Variants in PPP2R5D observed in about 807,000 individuals in gnomAD.
PPP2R5D encodes serine/threonine-protein phosphatase 2A 56 kDa regulatory subunit delta isoform.
PPP2R5D carries 12 observed loss-of-function variants against 79.1 expected under a neutral mutation model. The observed-to-expected ratio is 0.15, with a 90% CI of 0.10 to 0.25. The LOEUF (loss-of-function observed/expected upper bound fraction) is 0.25, where lower values mean the gene tolerates loss of function less well. PPP2R5D is among the 10% of genes least tolerant of loss of function. The pLI is 1.00. For synonymous variants in PPP2R5D, 277 were observed against 286.6 expected (o/e 0.97, Z 0.34); for missense variants, 419 against 760.2 (o/e 0.55, Z 5.28).
chr6:43,004,130 C>T (rs1761928805), intron 2 of PPP2R5D, among the ~76,000 whole-genome samples: 1 of 152,126 alleles, frequency 6.6e-6, no homozygotes, highest in Admixed American at 6.6e-5. Flanking sequence ...TTGAGCAATT[C>T]TCTTGCCTCA....
rs760120524 is a variant in PPP2R5D at position 43,006,580 on chromosome 6, T to C, written c.223T>C (p.Ser75Pro). The C allele has an allele frequency of 1.2e-6, 2 of 1,614,002 alleles. No individual in the cohort carries two copies. The highest frequency in any genetic ancestry group is 1.7e-6 in the Non-Finnish European group (2 of 1,180,000). ...PPTQLSKIKYSGGPQIVKKER... is the reference protein window; with the variant it reads ...PPTQLSKIKYPGGPQIVKKER... ...CACGCAGCTCAGCAAAATCAAGTAC[T>C]CAGGGGGGCCCCAGATTGTCAAGAA... Residue 75 changes from serine to proline, a missense_variant, in exon 3 of 16, where the codon TCA (serine) becomes CCA (proline). Around this residue, in one of 5 missense-constraint regions of PPP2R5D, gnomAD observed 110 missense variants for 147.6 expected, o/e 0.75. Coordinates refer to ENST00000485511, the MANE Select transcript of PPP2R5D (RefSeq NM_006245.4). This position sits in a 1 kb window ranked among gnomAD's most constrained non-coding sequence, Gnocchi z 4.7.
intron 2 of PPP2R5D, among the ~76,000 whole-genome samples, chr6:43,001,063 TGG>T (rs1471001107): frequency 1.3e-5 from 2 of 152,238 alleles, no homozygotes; most frequent in Non-Finnish European, 2.9e-5. Flanking sequence ...ACCCAAGGGC[TGG>T]AAAGATCTGA....
chr6:43,010,434 G>T lies in PPP2R5D; in HGVS notation c.1380-34G>T, dbSNP rs1762297751. ...TTCCTCACGCTAAGGGCAGGCTCTG[G>T]CCTCCTACACCTCATCTTTCTTCTT... is the stretch of plus-strand genomic sequence containing the variant. On this transcript the variant is annotated intron_variant, in intron 12 of 15. Transcript: ENST00000485511. This position sits in a 1 kb window ranked among gnomAD's most constrained non-coding sequence, Gnocchi z 4.7. The T allele has an allele frequency of 3.8e-6, 6 of 1,589,860 alleles. No individual in the cohort carries two copies. The highest frequency in any genetic ancestry group is 5.2e-6 in the Non-Finnish European group (6 of 1,158,472).
rs576750025 is a variant in PPP2R5D at position 43,002,321 on chromosome 6, G to A, written c.106-4142G>A. 8.5e-5 allele frequency among the ~76,000 whole-genome samples: 13 copies of A among 152,132 alleles called. No individual in the cohort carries two copies. In the South Asian group the frequency reaches 2.3e-3, roughly 27 times the overall value. On this transcript the variant is annotated intron_variant, in intron 2 of 15. Transcript: ENST00000485511. Reference sequence around the variant, plus strand: ...TGAGATTACAGGCACGTGCCACCACGCCCAGCTAATTTTTTGTATCTTTAG... The same window carrying A: ...TGAGATTACAGGCACGTGCCACCACACCCAGCTAATTTTTTGTATCTTTAG...
At chr6:43,001,719 C>G (rs1772222296) in intron 2 of PPP2R5D, among the ~76,000 whole-genome samples, 2 of 151,864 alleles carry the variant, frequency 1.3e-5, no homozygotes. Context: ...TCCGTCTCTA[C>G]TAAAAATACG....
In PPP2R5D at chr6:43,011,347, T is replaced by A; in HGVS notation, c.*61T>A. The A allele has an allele frequency of 6.2e-7, 1 of 1,602,108 alleles. No homozygotes were observed. The highest frequency in any genetic ancestry group is 2.2e-5 in the East Asian group (1 of 44,686). ...CAGCCCTGGGACACTGCCCTGGCCCTCCATACTCTGCTCCCTACTGGCTGT... is the reference window on the plus strand; with the variant it reads ...CAGCCCTGGGACACTGCCCTGGCCCACCATACTCTGCTCCCTACTGGCTGT... On this transcript the variant is annotated 3_prime_UTR_variant, in exon 16 of 16. Coordinates refer to ENST00000485511, the MANE Select transcript of PPP2R5D (RefSeq NM_006245.4).
chr6:42,998,993 C>A (rs1391924346), intron 2 of PPP2R5D, among the ~76,000 whole-genome samples: 1 of 152,166 alleles, frequency 6.6e-6, no homozygotes, highest in Non-Finnish European at 1.5e-5. Context: ...TGAGATTGCA[C>A]CACTGCACTT....
chr6:42,990,275 T>C (rs983518673), intron 2 of PPP2R5D, among the ~76,000 whole-genome samples: 1 of 152,208 alleles, frequency 6.6e-6, no homozygotes, highest in African/African-American at 2.4e-5. Flanking sequence ...CATGAAAGTT[T>C]GGGAGTGTGC....
rs140136483 is a variant in PPP2R5D at position 43,007,075 on chromosome 6, G to A, written c.487G>A (p.Val163Ile). Reference protein sequence around the residue: ...VEYITHSRDVVTEAIYPEAVT... With the variant: ...VEYITHSRDVITEAIYPEAVT... The stretch of plus-strand genomic sequence containing the variant: ...GTACATCACCCATAGCCGTGATGTT[G>A]TCACTGAGGCCATTTACCCTGAGGC... Residue 163 changes from valine to isoleucine, a missense_variant, in exon 4 of 16, where the codon GTC becomes ATC. This residue lies in a region of PPP2R5D where 29 missense variants were observed against 64.2 expected (regional missense o/e 0.45). Transcript: ENST00000485511. This position sits in a 1 kb window ranked among gnomAD's most constrained non-coding sequence, Gnocchi z 4.5. 3.8e-5 allele frequency: 62 copies of A among 1,614,038 alleles called. No individual in the cohort carries two copies. The highest frequency in any genetic ancestry group is 5.3e-5 in the Non-Finnish European group (62 of 1,180,034).
Position 43,011,340 on chromosome 6 carries a change from C to T in PPP2R5D, c.*54C>T, listed in dbSNP as rs923112096. 1.2e-6 allele frequency: 2 copies of T among 1,608,198 alleles called. No homozygotes were observed. The highest frequency in any genetic ancestry group is 1.1e-5 in the South Asian group (1 of 90,552). ...GCCCACACAGCCCTGGGACACTGCC[C>T]TGGCCCTCCATACTCTGCTCCCTAC... On this transcript the variant is annotated 3_prime_UTR_variant, in exon 16 of 16. Transcript: ENST00000485511.
chr6:42,991,196 G>A (rs1011764147), intron 2 of PPP2R5D, among the ~76,000 whole-genome samples: 3 of 152,146 alleles, frequency 2.0e-5, no homozygotes, highest in Admixed American at 1.3e-4. Context: ...CTTCTGGGAA[G>A]ACACACTATG....
At position 43,007,220 on chromosome 6, in the gene PPP2R5D, C is replaced by T; in HGVS notation, c.547C>T (p.Leu183=). The T allele has an allele frequency of 6.2e-7, 1 of 1,614,148 alleles. No homozygotes were observed. Among genetic ancestry groups the T allele is most frequent in the African/African-American group, 1.3e-5 (1 of 75,042 alleles). ...TMFSVNLFRT[L]PPSSNPTGAE... ...GTTTTCAGTGAACCTCTTCCGGACG[C>T]TGCCACCTTCATCGAATCCCACAGG... The change falls in exon 5 of 16, where the codon CTG becomes TTG. Residue 183 remains leucine, a synonymous_variant. Coordinates refer to ENST00000485511, the MANE Select transcript of PPP2R5D (RefSeq NM_006245.4). The surrounding 1 kb of genome is among the most constrained non-coding windows in gnomAD (Gnocchi z 4.5).
At chr6:42,996,688 T>G (rs1771720325) in intron 2 of PPP2R5D, among the ~76,000 whole-genome samples, 1 of 152,196 alleles carries the variant, frequency 6.6e-6, no homozygotes. Flanking sequence ...TTAGTCACCT[T>G]TTAATCTTTT....
intron 2 of PPP2R5D, among the ~76,000 whole-genome samples, chr6:42,999,102 T>C (rs1156805149): frequency 6.6e-6 from 1 of 152,142 alleles, no homozygotes; most frequent in Non-Finnish European, 1.5e-5. Flanking sequence ...AGAGGACAGA[T>C]TGGCCAAGTT....
In PPP2R5D at chr6:43,010,392, TGA is replaced by T; in HGVS notation, c.1380-71_1380-70del. 1 of 1,182,948 alleles carries T rather than the reference TGA, an allele frequency of 8.5e-7. No individual in the cohort carries two copies. Among genetic ancestry groups the T allele is most frequent in the Non-Finnish European group, 1.3e-6 (1 of 792,152 alleles). 73.3% of individuals were successfully genotyped at this position (1,182,948 alleles called of 1,614,324 possible). Reference sequence around the variant, plus strand: ...AAAGCTCTTAGCAGAGATACCCCTGTGAGAGAACAAATTGGGTTCCTCACGCT... The same window carrying T: ...AAAGCTCTTAGCAGAGATACCCCTGTGAGAACAAATTGGGTTCCTCACGCT... On this transcript the variant is annotated intron_variant, in intron 12 of 15. Coordinates refer to ENST00000485511, the MANE Select transcript of PPP2R5D (RefSeq NM_006245.4). This position sits in a 1 kb window ranked among gnomAD's most constrained non-coding sequence, Gnocchi z 4.7.
Position 43,006,471 on chromosome 6 carries a change from G to A in PPP2R5D, c.114G>A (p.Pro38=), listed in dbSNP as rs774008462. 8.7e-6 allele frequency: 14 copies of A among 1,612,750 alleles called. No homozygotes were observed. Among genetic ancestry groups the A allele is most frequent in the South Asian group, 3.3e-5 (3 of 91,016 alleles). ...GGGENTEEAQ[P]QPQPQPQPQA... is the part of the protein sequence containing the mutation. ...GTGACTTGTTTGACCAGGCCCAGCC[G>A]CAGCCCCAGCCCCAGCCCCAGCCCC... is the stretch of plus-strand genomic sequence containing the variant. The change falls in exon 3 of 16, where the codon CCG becomes CCA. Residue 38 remains proline (P), a synonymous_variant. Transcript: ENST00000485511. The surrounding 1 kb of genome is among the most constrained non-coding windows in gnomAD (Gnocchi z 4.7).
rs1270505930 is a variant in PPP2R5D, at chr6:43,011,159, A to G, written c.1682A>G (p.Asp561Gly). 1.2e-6 allele frequency: 2 copies of G among 1,614,116 alleles called. No homozygotes were observed. The highest frequency in any genetic ancestry group is 2.7e-5 in the African/African-American group (2 of 75,014). ...CCTATTCACACACAGATGCTAAAAGACATCAAGAAGGAGAAAGTGCTGCTG... is the reference window on the plus strand; with the variant it reads ...CCTATTCACACACAGATGCTAAAAGGCATCAAGAAGGAGAAAGTGCTGCTG... Reference protein sequence around the residue: ...VETEAVQMLKDIKKEKVLLRR... With the variant: ...VETEAVQMLKGIKKEKVLLRR... The change falls in exon 16 of 16, where the codon GAC (aspartate) becomes GGC (glycine). Residue 561 changes from aspartate (D) to glycine (G), a missense_variant. By Grantham distance (94) the Asp-to-Gly change is moderately conservative. Transcript: ENST00000485511.
In PPP2R5D at chr6:42,995,501, C is replaced by T. The variant is rs553735670; in HGVS notation, c.105+5813C>T. Among the ~76,000 whole-genome samples the T allele has an allele frequency of 3.8e-4, 58 of 152,044 alleles. 1 individual carries two copies. Among genetic ancestry groups the T allele is most frequent in the African/African-American group, 1.3e-3 (53 of 41,476 alleles). On this transcript the variant is annotated intron_variant, in intron 2 of 15. Coordinates refer to ENST00000485511, the MANE Select transcript of PPP2R5D (RefSeq NM_006245.4). Reference sequence around the variant, plus strand: ...GTGCTCACAGATGCAGTTCCACTGGCCCGGACTGCTTTATTTCTCCTGTGT... The same window carrying T: ...GTGCTCACAGATGCAGTTCCACTGGTCCGGACTGCTTTATTTCTCCTGTGT...
In PPP2R5D at chr6:42,984,653, A is replaced by G; in HGVS notation, c.-25A>G. 2 of 1,593,312 alleles carry G rather than the reference A, an allele frequency of 1.3e-6. No individual in the cohort carries two copies. Among genetic ancestry groups the G allele is most frequent in the Non-Finnish European group, 1.7e-6 (2 of 1,171,570 alleles). Reference sequence around the variant, plus strand: ...CGGAGCCGGAGCGGGGCCGCAGGAGACGGGCCGGGTCCGGACGGGCCGAGA... The same window carrying G: ...CGGAGCCGGAGCGGGGCCGCAGGAGGCGGGCCGGGTCCGGACGGGCCGAGA... On this transcript the variant is annotated 5_prime_UTR_variant, in exon 1 of 16. Coordinates refer to ENST00000485511, the MANE Select transcript of PPP2R5D (RefSeq NM_006245.4).
Sources: allele counts gnomAD v4.1 joint callset (sites outside exome capture counted in the v4.1 genomes callset), GRCh38; gene constraint gnomAD v4.1.1; regional missense constraint gnomAD v4.1.1; non-coding constraint Gnocchi (gnomAD v3.1); transcripts MANE v1.5; gene names NCBI Gene and HGNC (gene_info 2026-07-23, HGNC 2026-07-21).